SPAG16: variants seen among roughly 807,000 people sequenced by gnomAD.
SPAG16 encodes sperm-associated antigen 16 protein.
SPAG16 carries 86 observed loss-of-function variants against 80.4 expected under a neutral mutation model. The ratio of observed to expected loss-of-function variants is 1.07; its 90% confidence interval spans 0.90 to 1.28. The LOEUF (loss-of-function observed/expected upper bound fraction) is 1.28, where lower values mean the gene tolerates loss of function less well. SPAG16 is among the 50% of genes most tolerant of loss of function. The pLI is 0.00. For synonymous variants in SPAG16, 294 were observed against 265.9 expected (o/e 1.11, Z -1.03); for missense variants, 870 against 765.3 (o/e 1.14, Z -1.61).
intron 15 of SPAG16, among the ~76,000 whole-genome samples, chr2:214,227,786 T>C (rs556141348): frequency 1.3e-5 from 2 of 151,522 alleles, no homozygotes; most frequent in East Asian, 3.9e-4. Flanking sequence ...ATTATTTTCT[T>C]CCCCTTAGAC....
At chr2:214,016,521 C>T (rs1423124599) in intron 13 of SPAG16, among the ~76,000 whole-genome samples, 1 of 152,142 alleles carries the variant, frequency 6.6e-6, no homozygotes, top group Non-Finnish European at 1.5e-5. Context: ...AAGTAAACAA[C>T]ATGTAGGGAC....
chr2:214,196,456 T>A (rs1014745255), intron 15 of SPAG16, among the ~76,000 whole-genome samples: 1 of 152,088 alleles, frequency 6.6e-6, no homozygotes, highest in African/African-American at 2.4e-5. Context: ...GACTGTTTAA[T>A]AGTTCAGGGA....
Position 213,418,476 on chromosome 2 carries a change from A to C in SPAG16, c.942+43357A>C, listed in dbSNP as rs556617686. On this transcript the variant is annotated intron_variant, in intron 9 of 15. Coordinates refer to ENST00000331683, the MANE Select transcript of SPAG16 (RefSeq NM_024532.5). ...TATTTTACATTCTCATTTATACTAA[A>C]AATTTTGGTTTGATAATATGTTTGA... 5.1e-4 allele frequency among the ~76,000 whole-genome samples: 77 copies of C among 152,186 alleles called. 1 individual carries two copies. Among genetic ancestry groups the C allele is most frequent in the Admixed American group, 5.9e-4 (9 of 15,274 alleles).
intron 10 of SPAG16, among the ~76,000 whole-genome samples, chr2:213,491,741 A>G (rs984437079): frequency 2.0e-5 from 3 of 152,216 alleles, no homozygotes; most frequent in African/African-American, 7.2e-5. Flanking sequence ...AGAGGGAAAC[A>G]TTTAGCTCTC....
chr2:213,820,240 A>T (rs771567145), intron 10 of SPAG16, among the ~76,000 whole-genome samples: 11 of 152,048 alleles, frequency 7.2e-5, no homozygotes, highest in Non-Finnish European at 1.2e-4. Context: ...ACACCCAGCT[A>T]ATTTTTGTAT....
intron 3 of SPAG16, among the ~76,000 whole-genome samples, chr2:213,299,337 C>G (rs1016691722): frequency 2.0e-5 from 3 of 149,826 alleles, no homozygotes; most frequent in Non-Finnish European, 4.4e-5. Context: ...GAGTCTCACT[C>G]TGTCGCCCAG....
intron 10 of SPAG16, among the ~76,000 whole-genome samples, chr2:213,525,753 A>G (rs1289220014): frequency 2.6e-5 from 4 of 152,180 alleles, no homozygotes. Context: ...TTTCTTAAAT[A>G]TATCCATGTC....
chr2:213,834,820 A>G (rs976492781), intron 10 of SPAG16, among the ~76,000 whole-genome samples: 9 of 152,172 alleles, frequency 5.9e-5, no homozygotes, highest in Admixed American at 5.9e-4. Flanking sequence ...TATTTAAATA[A>G]CAAAGGAATC....
chr2:213,451,976 G>A (rs73986872), intron 9 of SPAG16, among the ~76,000 whole-genome samples: 10,794 of 140,736 alleles, frequency 0.077, 1,297 homozygotes, highest in African/African-American at 0.26. Flanking sequence ...CCACTCCCGC[G>A]CTTCCAGCTC....
At chr2:214,202,466 A>G (rs1451447358) in intron 15 of SPAG16, among the ~76,000 whole-genome samples, 1 of 152,222 alleles carries the variant, frequency 6.6e-6, no homozygotes, top group Non-Finnish European at 1.5e-5. Flanking sequence ...GGTAAGGTAT[A>G]TTAATACTAG....
chr2:213,313,603 A>T (rs748075122), intron 4 of SPAG16, among the ~76,000 whole-genome samples: 1 of 151,830 alleles, frequency 6.6e-6, no homozygotes, highest in Non-Finnish European at 1.5e-5. Context: ...ACAGGGCTAT[A>T]TTGTGCAATT....
intron 10 of SPAG16, among the ~76,000 whole-genome samples, chr2:213,499,639 A>G (rs1291966398): frequency 6.6e-6 from 1 of 152,208 alleles, no homozygotes; most frequent in Admixed American, 6.5e-5. Flanking sequence ...TGCCTGTGGT[A>G]TAATTTTCCT....
At chr2:213,852,890 G>T (rs13426013) in intron 10 of SPAG16, among the ~76,000 whole-genome samples, 52,716 of 152,002 alleles carry the variant, frequency 0.35, 9,422 homozygotes, top group East Asian at 0.44. Flanking sequence ...AATTCCATGT[G>T]AAAGTACTTT....
intron 5 of SPAG16, among the ~76,000 whole-genome samples, chr2:213,339,874 A>G (rs1418669327): frequency 6.6e-6 from 1 of 152,162 alleles, no homozygotes; most frequent in Admixed American, 6.5e-5. Flanking sequence ...TAGATGGTTT[A>G]TACTTTGGAC....
intron 13 of SPAG16, among the ~76,000 whole-genome samples, chr2:214,045,781 C>G (rs895047720): frequency 6.6e-6 from 1 of 152,000 alleles, no homozygotes; most frequent in Non-Finnish European, 1.5e-5. Flanking sequence ...AACAAATAAC[C>G]TAACCTAGTT....
At chr2:213,913,680 T>C (rs1043022352) in intron 11 of SPAG16, among the ~76,000 whole-genome samples, 3 of 131,040 alleles carry the variant, frequency 2.3e-5, no homozygotes, top group African/African-American at 8.1e-5. Flanking sequence ...CATATGGATA[T>C]ATATGCATAC....
chr2:213,888,047 A>T (rs1432790893), intron 11 of SPAG16, among the ~76,000 whole-genome samples: 3 of 151,864 alleles, frequency 2.0e-5, no homozygotes, highest in African/African-American at 7.2e-5. Flanking sequence ...TTTAGTTTGT[A>T]TTTCTTTCAG....
Position 213,976,117 on chromosome 2 carries a change from T to G in SPAG16, c.1401-37834T>G, listed in dbSNP as rs910684510. ...TCTAAGACAGTGAGGGAGATATATA[T>G]ATATATATATATATATATACACACA... On this transcript the variant is annotated intron_variant, in intron 12 of 15. Transcript: ENST00000331683. Among the ~76,000 whole-genome samples, 38 of 97,216 alleles carry G rather than the reference T, an allele frequency of 3.9e-4. 1 individual carries two copies. The highest frequency in any genetic ancestry group is 4.1e-5 in the Non-Finnish European group (2 of 48,778). 63.8% of individuals were successfully genotyped at this position (97,216 alleles called of 152,430 possible).
chr2:213,778,878 T>C (rs2054574563), intron 10 of SPAG16, among the ~76,000 whole-genome samples: 1 of 152,216 alleles, frequency 6.6e-6, no homozygotes, highest in South Asian at 2.1e-4. Context: ...CAAGCCTTCT[T>C]TGGCCCCTTA....
Sources: gnomAD v4.1 joint callset for allele counts (sites outside exome capture counted in the v4.1 genomes callset) on GRCh38, gnomAD v4.1.1 for gene constraint, MANE v1.5 for transcripts, NCBI Gene and HGNC (gene_info 2026-07-23, HGNC 2026-07-21) for gene names.